Variants in PRDM10 observed in about 807,000 individuals in gnomAD.
PRDM10 encodes the protein PR/SET domain 10, also known as PR domain zinc finger protein 10.
In PRDM10, 65 loss-of-function variants were observed where a neutral mutation model predicts 133.1. That is an observed-to-expected ratio of 0.49 (90% CI 0.40 to 0.60). The LOEUF (loss-of-function observed/expected upper bound fraction) is 0.60. Among genes scored for constraint, PRDM10 ranks in the 20% least tolerant of loss-of-function variants. The pLI, the probability that PRDM10 is intolerant of heterozygous loss-of-function variation, is 0.00. For synonymous variants in PRDM10, 582 were observed against 580.4 expected (o/e 1.00, Z -0.04); for missense variants, 1,137 against 1,507.1 (o/e 0.75, Z 4.07).
intron 11 of PRDM10, among the ~76,000 whole-genome samples, chr11:129,930,175 T>C (rs1446220787): frequency 6.7e-6 from 1 of 149,900 alleles, no homozygotes; most frequent in East Asian, 1.9e-4. Flanking sequence ...CGATCATGCA[T>C]GTAGAAATTG....
chr11:129,934,125 T>C (rs1396504652), intron 9 of PRDM10, among the ~76,000 whole-genome samples: 1 of 152,224 alleles, frequency 6.6e-6, no homozygotes, highest in Non-Finnish European at 1.5e-5. Context: ...TTTCTCAATG[T>C]GTGTTATGAG....
In PRDM10 at chr11:129,947,375, G is replaced by T. The variant is rs1440532757; in HGVS notation, c.295-5C>A. ...GTTATGAACTGGCAATGAGGCCTGG[G>T]CAAAAGTTGAAGGCACAGAGTAAGC... On this transcript the variant is annotated splice_region_variant and splice_polypyrimidine_tract_variant and intron_variant, in intron 4 of 20. Transcript: ENST00000360871. This position sits in a 1 kb window ranked among gnomAD's most constrained non-coding sequence, Gnocchi z 4.6. The T allele has an allele frequency of 3.7e-6, 6 of 1,614,176 alleles. No homozygotes were observed. The highest frequency in any genetic ancestry group is 5.1e-6 in the Non-Finnish European group (6 of 1,180,022).
rs1313428061 is a variant in PRDM10 at position 129,931,055 on chromosome 11, C to G, written c.1491G>C (p.Thr497=). 1.9e-5 allele frequency: 31 copies of G among 1,613,902 alleles called. No individual in the cohort carries two copies. Among genetic ancestry groups the G allele is most frequent in the Non-Finnish European group, 2.5e-5 (30 of 1,179,970 alleles). The change falls in exon 11 of 21, where the codon ACG becomes ACC. Residue 497 remains threonine (T), a synonymous_variant. Coordinates refer to ENST00000360871, the MANE Select transcript of PRDM10 (RefSeq NM_199437.2). ...HEESVVPTQS[T]LTADDMRRAK... ...CTCTGCGCATGTCGTCGGCTGTCAG[C>G]GTGCTCTGGGTGGGCACCACGCTCT...
In PRDM10 at chr11:129,923,366, A is replaced by G. The variant is rs1269487479; in HGVS notation, c.1916T>C (p.Ile639Thr). 1 of 1,611,974 alleles carries G rather than the reference A, an allele frequency of 6.2e-7. No individual in the cohort carries two copies. Among genetic ancestry groups the G allele is most frequent in the Non-Finnish European group, 8.5e-7 (1 of 1,179,194 alleles). Reference sequence around the variant, plus strand: ...CTTGTCACACTCTGTGCACTGGTAGATCTTTTCTGAGTGGAAGCTGCGCAC... The same window carrying G: ...CTTGTCACACTCTGTGCACTGGTAGGTCTTTTCTGAGTGGAAGCTGCGCAC... The part of the protein sequence containing the change: ...KHVRSFHSEK[I>T]YQCTECDKAF... Residue 639 changes from isoleucine to threonine, a missense_variant, in exon 13 of 21, where the codon ATC (isoleucine) becomes ACC (threonine). Physicochemically the swap from Ile to Thr is moderately conservative, Grantham distance 89. This residue lies in a region of PRDM10 where 635 missense variants were observed against 835.2 expected (regional missense o/e 0.76). Transcript: ENST00000360871. The surrounding 1 kb of genome is among the most constrained non-coding windows in gnomAD (Gnocchi z 4.4).
chr11:129,956,875 A>T (rs546737960), intron 3 of PRDM10, among the ~76,000 whole-genome samples: 1 of 152,334 alleles, frequency 6.6e-6, no homozygotes, highest in South Asian at 2.1e-4. Context: ...GATGTTAAAG[A>T]TATACATTTC....
At chr11:129,914,664 C>A (rs755145654) in intron 17 of PRDM10, 40 bp downstream of exon 17, 2 of 1,609,836 alleles carry the variant, frequency 1.2e-6, no homozygotes, top group Admixed American at 1.7e-5. Context: ...AGTGGCAACA[C>A]GGCATTCATA....
Position 129,918,837 on chromosome 11 carries a change from T to G in PRDM10, c.2035-119A>C. 4 of 1,047,674 alleles carry G rather than the reference T, an allele frequency of 3.8e-6. No individual in the cohort carries two copies. Among genetic ancestry groups the G allele is most frequent in the Non-Finnish European group, 4.2e-6 (3 of 714,816 alleles). The allele number at this position is 1,047,674 out of a possible 1,614,324, so 64.9% of individuals were successfully genotyped here. On this transcript the variant is annotated intron_variant, in intron 13 of 20. Transcript: ENST00000360871. The surrounding 1 kb of genome is among the most constrained non-coding windows in gnomAD (Gnocchi z 5.3). The stretch of plus-strand genomic sequence containing the variant: ...TCACCACAAGCCTCCAAGAGACATT[T>G]GAGTTGCTGGAACACTAGGACGCAG...
intron 1 of PRDM10, among the ~76,000 whole-genome samples, chr11:129,989,383 T>G (rs1056820561): frequency 1.3e-5 from 2 of 152,114 alleles, no homozygotes; most frequent in African/African-American, 2.4e-5. Context: ...CAAGCACACA[T>G]CCTCCAGCTC....
rs149296860 is a variant in PRDM10, at chr11:129,917,869, G to A, written c.2215-632C>T. Among the ~76,000 whole-genome samples the A allele has an allele frequency of 1.2e-4, 18 of 152,288 alleles. No homozygotes were observed. In the East Asian group the frequency reaches 2.3e-3, roughly 20 times the overall value. ...CTGGGGGCTGGGTGCAGTGGCTCACGCCTGTAATCCCAGCATTCTGGGAGG... is the reference window on the plus strand; with the variant it reads ...CTGGGGGCTGGGTGCAGTGGCTCACACCTGTAATCCCAGCATTCTGGGAGG... On this transcript the variant is annotated intron_variant, in intron 14 of 20. Coordinates refer to ENST00000360871, the MANE Select transcript of PRDM10 (RefSeq NM_199437.2).
At position 129,900,871 on chromosome 11, in the gene PRDM10, G is replaced by T. The variant is rs1370490694; in HGVS notation, c.*1442C>A. On this transcript the variant is annotated 3_prime_UTR_variant, in exon 21 of 21. Coordinates refer to ENST00000360871, the MANE Select transcript of PRDM10 (RefSeq NM_199437.2). ...AGTGCGAAATCTACACATCAATAAA[G>T]TTCTTTTAACAGAATTGTTCACTTT... is the stretch of plus-strand genomic sequence containing the variant. 1.3e-5 allele frequency: 2 copies of T among 152,526 alleles called. No individual in the cohort carries two copies. Among genetic ancestry groups the T allele is most frequent in the African/African-American group, 4.8e-5 (2 of 41,444 alleles). 9.4% of individuals were successfully genotyped at this position (152,526 alleles called of 1,614,324 possible). A position where few individuals can be genotyped will look rare whatever the true frequency, so the allele number is the denominator to read the frequency against.
intron 1 of PRDM10, among the ~76,000 whole-genome samples, chr11:129,987,949 C>A (rs373430398): frequency 6.6e-6 from 1 of 151,968 alleles, no homozygotes; most frequent in African/African-American, 2.4e-5. Flanking sequence ...TGCAGTGAGC[C>A]GAGATAGCGC....
Position 129,942,406 on chromosome 11 carries a change from C to T in PRDM10, c.966+20G>A, listed in dbSNP as rs139393248. ...TCACTCTTGCTAGCAAATAGCAGCA[C>T]GGGTCAGGCAGCACTGTACCTTCAG... On this transcript the variant is annotated intron_variant, in intron 7 of 20. Coordinates refer to ENST00000360871, the MANE Select transcript of PRDM10 (RefSeq NM_199437.2). 1.3e-5 allele frequency: 21 copies of T among 1,599,462 alleles called. No homozygotes were observed. The highest frequency in any genetic ancestry group is 1.7e-4 in the Middle Eastern group (1 of 5,728).
chr11:129,982,980 AT>A (rs1042093734), intron 1 of PRDM10, among the ~76,000 whole-genome samples: 19 of 150,630 alleles, frequency 1.3e-4, no homozygotes, highest in East Asian at 9.9e-4. Context: ...TCTTTAAAAA[AT>A]TTTTTTTTTC....
chr11:129,915,408 C>T (rs374174971), intron 16 of PRDM10, among the ~76,000 whole-genome samples: 25 of 152,322 alleles, frequency 1.6e-4, no homozygotes, highest in African/African-American at 5.5e-4. Flanking sequence ...TGAGGCCCTC[C>T]GCAGGCCAAG....
chr11:129,933,264 T>C (rs1272830450), intron 9 of PRDM10, among the ~76,000 whole-genome samples: 1 of 152,218 alleles, frequency 6.6e-6, no homozygotes, highest in Non-Finnish European at 1.5e-5. Context: ...TGGAAAATTC[T>C]GAACCTAGGT....
At chr11:129,944,516 C>T (rs1298925450) in intron 6 of PRDM10, among the ~76,000 whole-genome samples, 7 of 150,708 alleles carry the variant, frequency 4.6e-5, no homozygotes, top group African/African-American at 9.8e-5. Flanking sequence ...ACCCGGAAGG[C>T]GGAGCTTGCA....
At chr11:129,971,727 A>G (rs1591677823) in intron 1 of PRDM10, among the ~76,000 whole-genome samples, 1 of 151,872 alleles carries the variant, frequency 6.6e-6, no homozygotes, top group South Asian at 2.1e-4. Flanking sequence ...AGACATAAAG[A>G]CTCTCCACGT....
At chr11:130,002,312 C>T (rs909902640) in intron 1 of PRDM10, among the ~76,000 whole-genome samples, 2 of 151,710 alleles carry the variant, frequency 1.3e-5, no homozygotes, top group Non-Finnish European at 2.9e-5. Context: ...GCGGAGCGTG[C>T]GAGCCACTCG....
rs201951007 is a variant in PRDM10, at chr11:129,914,705, G to A, written c.2840C>T (p.Ser947Leu). The change falls in exon 17 of 21, where the codon TCG (serine) becomes TTG (leucine). Residue 947 changes from serine (S) to leucine (L), a missense_variant and splice_region_variant. This residue lies in a region of PRDM10 where 113 missense variants were observed against 143.7 expected (regional missense o/e 0.79). Coordinates refer to ENST00000360871, the MANE Select transcript of PRDM10 (RefSeq NM_199437.2). ...HIQLQVVQVA[S>L]ATSPHQSQQS... ...AAGGGAAACCAAGGCACGCAGTACC[G>A]AGGCCACTTGAACCACTTGCAGCTG... is the stretch of plus-strand genomic sequence containing the variant. The A allele has an allele frequency of 1.1e-5, 17 of 1,614,122 alleles. No homozygotes were observed. The highest frequency in any genetic ancestry group is 1.1e-5 in the South Asian group (1 of 91,082).
Sources: gnomAD v4.1 joint callset for allele counts (sites outside exome capture counted in the v4.1 genomes callset) on GRCh38, gnomAD v4.1.1 for gene constraint, gnomAD v4.1.1 regional missense constraint, Gnocchi (gnomAD v3.1) non-coding constraint, MANE v1.5 for transcripts, NCBI Gene and HGNC (gene_info 2026-07-23, HGNC 2026-07-21) for gene names.